Variants in PPFIA2 observed in about 807,000 individuals in gnomAD.
The protein encoded by PPFIA2 is PPFI scaffold protein A2.
In PPFIA2, 46 loss-of-function variants were observed where a neutral mutation model predicts 175.5. The ratio of observed to expected loss-of-function variants is 0.26; its 90% CI spans 0.21 to 0.34. The LOEUF (loss-of-function observed/expected upper bound fraction) is 0.34. Ranked by LOEUF, PPFIA2 falls within the 10% of genes least tolerant of loss-of-function variation. PPFIA2 has a pLI of 1.00. For synonymous variants in PPFIA2, 568 were observed against 511.4 expected, an observed-to-expected ratio of 1.11 and a Z score of -1.49; for missense variants, 1,179 against 1,506.1, an observed-to-expected ratio of 0.78 and a Z score of 3.60.
chr12:81,658,801 A>C (rs1301132971), intron 4 of PPFIA2, among the ~76,000 whole-genome samples: 2 of 152,142 alleles, frequency 1.3e-5, no homozygotes. Context: ...CATAAATAGA[A>C]AAGGAAGGGA....
chr12:81,660,710 C>T (rs1176548403), intron 4 of PPFIA2, among the ~76,000 whole-genome samples: 1 of 152,114 alleles, frequency 6.6e-6, no homozygotes, highest in Non-Finnish European at 1.5e-5. Context: ...CACAAAGATA[C>T]TCCTCGAGAA....
At chr12:81,375,148 T>C (rs2036070075) in intron 10 of PPFIA2, among the ~76,000 whole-genome samples, 1 of 152,126 alleles carries the variant, frequency 6.6e-6, no homozygotes, top group South Asian at 2.1e-4. Flanking sequence ...ATCCAGGCTC[T>C]AGAGATAAGG....
In PPFIA2 at chr12:81,368,878, T is replaced by A. The variant is rs533418623; in HGVS notation, c.1351-22A>T. On this transcript the variant is annotated intron_variant, in intron 12 of 32. Transcript: ENST00000549396. ...TAGCCTTACATTTTAAAAAATGACA[T>A]AAAAATCCATTCAAAAACTGTTTGA... The A allele has an allele frequency of 8.0e-5, 128 of 1,592,618 alleles. 1 individual carries two copies. In the Admixed American group the frequency reaches 1.4e-3, roughly 17 times the overall value.
intron 3 of PPFIA2, among the ~76,000 whole-genome samples, chr12:81,724,603 A>G (rs780581098): frequency 2.0e-5 from 3 of 150,868 alleles, no homozygotes; most frequent in Non-Finnish European, 4.5e-5. Context: ...TATTTCACCT[A>G]ATTTAAGACA....
At chr12:81,686,735 TAG>T (rs1456563999) in intron 3 of PPFIA2, among the ~76,000 whole-genome samples, 1 of 152,134 alleles carries the variant, frequency 6.6e-6, no homozygotes. Context: ...TGGATGTTAA[TAG>T]AGTTTTCCCT....
chr12:81,678,442 A>G (rs1462196112), intron 3 of PPFIA2, among the ~76,000 whole-genome samples: 1 of 151,814 alleles, frequency 6.6e-6, no homozygotes, highest in East Asian at 1.9e-4. Flanking sequence ...TGGTGTTATA[A>G]CTGTTTCTAT....
At chr12:81,380,914 T>A (rs1367162024) in intron 9 of PPFIA2, among the ~76,000 whole-genome samples, 1 of 151,572 alleles carries the variant, frequency 6.6e-6, no homozygotes, top group East Asian at 1.9e-4. Context: ...TGGGCCTGGG[T>A]CTTGAGACCT....
intron 6 of PPFIA2, among the ~76,000 whole-genome samples, chr12:81,441,911 G>C (rs1266219286): frequency 6.6e-6 from 1 of 152,052 alleles, no homozygotes. Context: ...TGTAGAGAGA[G>C]GAAGTTACCA....
rs116696278 is a variant in PPFIA2, at chr12:81,357,986, C to T, written c.1773+96G>A. ...TCTGTGTTTCAAATTAATAAAAATG[C>T]TAGCATTTTCTAATTATCTCAGTGT... On this transcript the variant is annotated intron_variant, in intron 16 of 32. Transcript: ENST00000549396. 78 of 1,205,016 alleles carry T rather than the reference C, an allele frequency of 6.5e-5. No homozygotes were observed. The African/African-American group carries it at 1.1e-3, about 17-fold the overall frequency. 74.6% of individuals were successfully genotyped at this position (1,205,016 alleles called of 1,614,324 possible).
At chr12:81,516,081 T>C (rs1350055587) in intron 4 of PPFIA2, among the ~76,000 whole-genome samples, 2 of 152,222 alleles carry the variant, frequency 1.3e-5, no homozygotes, top group Non-Finnish European at 2.9e-5. Context: ...AATTCTTATA[T>C]AGCTTTTCTA....
chr12:81,741,688 T>C (rs192212855), intron 3 of PPFIA2, among the ~76,000 whole-genome samples: 2 of 151,958 alleles, frequency 1.3e-5, no homozygotes, highest in Admixed American at 1.3e-4. Flanking sequence ...GCATTTTATG[T>C]GTGGCCCAAG....
intron 6 of PPFIA2, among the ~76,000 whole-genome samples, chr12:81,442,650 G>T (rs1305735836): frequency 6.6e-6 from 1 of 150,644 alleles, no homozygotes; most frequent in Non-Finnish European, 1.5e-5. Context: ...AGCTAATTAT[G>T]AATATTCTAT....
intron 22 of PPFIA2, chr12:81,312,188 G>A: frequency 5.2e-6 from 8 of 1,533,162 alleles, no homozygotes; most frequent in Non-Finnish European, 7.0e-6. Context: ...AGATGGAGAA[G>A]GACGGATGGA....
chr12:81,342,010 A>G (rs1054276166), intron 19 of PPFIA2, among the ~76,000 whole-genome samples: 1 of 152,136 alleles, frequency 6.6e-6, no homozygotes, highest in African/African-American at 2.4e-5. Flanking sequence ...AAAGAGAATA[A>G]TAAAAGGTAA....
At chr12:81,507,560 T>C (rs1470811098) in intron 4 of PPFIA2, among the ~76,000 whole-genome samples, 1 of 152,206 alleles carries the variant, frequency 6.6e-6, no homozygotes, top group Non-Finnish European at 1.5e-5. Context: ...CTCCTCTCTT[T>C]TATTTTTTAT....
Position 81,642,913 on chromosome 12 carries a change from TG to T in PPFIA2, c.303+33877del, listed in dbSNP as rs1476385938. 1.6e-4 allele frequency among the ~76,000 whole-genome samples: 23 copies of T among 144,372 alleles called. No homozygotes were observed. In the East Asian group the frequency reaches 4.7e-3, roughly 30 times the overall value. 94.7% of individuals were successfully genotyped at this position (144,372 alleles called of 152,430 possible). A position where few individuals can be genotyped will look rare whatever the true frequency, so the allele number is the denominator to read the frequency against. ...CATATTTATGTTATATACACACAAA[TG>T]TAAAAAATGTGTATATATAACATAT... On this transcript the variant is annotated intron_variant, in intron 4 of 32. Coordinates refer to ENST00000549396, the MANE Select transcript of PPFIA2 (RefSeq NM_003625.5).
At chr12:81,597,215 A>AT (rs2059341157) in intron 4 of PPFIA2, among the ~76,000 whole-genome samples, 1 of 152,086 alleles carries the variant, frequency 6.6e-6, no homozygotes, top group South Asian at 2.1e-4. Flanking sequence ...GAAAGGCACA[A>AT]TTTGAAGATA....
intron 3 of PPFIA2, among the ~76,000 whole-genome samples, chr12:81,744,888 T>C (rs2082840332): frequency 1.3e-5 from 2 of 152,310 alleles, no homozygotes; most frequent in African/African-American, 4.8e-5. Flanking sequence ...TTACAAATTG[T>C]GTGGTGCTGA....
intron 7 of PPFIA2, among the ~76,000 whole-genome samples, chr12:81,420,720 A>G (rs2046091028): frequency 6.6e-6 from 1 of 152,056 alleles, no homozygotes; most frequent in African/African-American, 2.4e-5. Flanking sequence ...CCAAAAAGAG[A>G]AAAAGAAAGA....
Sources: allele counts gnomAD v4.1 joint callset (sites outside exome capture counted in the v4.1 genomes callset), GRCh38; gene constraint gnomAD v4.1.1; transcripts MANE v1.5; gene names NCBI Gene and HGNC (gene_info 2026-07-23, HGNC 2026-07-21).